Variants in RPAIN observed in about 807,000 individuals in gnomAD.
RPAIN encodes the protein RPA-interacting protein.
RPAIN carries 29 observed loss-of-function variants against 30.5 expected under a neutral mutation model. The observed-to-expected ratio is 0.95, with a 90% CI of 0.71 to 1.30. The LOEUF is 1.30. Ranked by LOEUF, RPAIN falls within the 50% of genes most tolerant of loss-of-function variation. The pLI is 0.00. For synonymous variants in RPAIN, 101 were observed against 93.5 expected (o/e 1.08, Z -0.46); for missense variants, 247 against 264.7 (o/e 0.93, Z 0.46).
At chr17:5,426,828 G>A (rs1475143118) in intron 5 of RPAIN, 1 of 151,090 alleles carries the variant, frequency 6.6e-6, no homozygotes, top group East Asian at 2.0e-4. Context: ...ATTTTTAGTA[G>A]AGATGGGTTT....
At chr17:5,422,301 A>G (rs1914943516) in intron 2 of RPAIN, among the ~76,000 whole-genome samples, 1 of 152,234 alleles carries the variant, frequency 6.6e-6, no homozygotes, top group African/African-American at 2.4e-5. Context: ...AAATGTGGGC[A>G]ACTGTTTGAA....
At chr17:5,426,875 T>C (rs1366173587) in intron 5 of RPAIN, 3 of 151,524 alleles carry the variant, frequency 2.0e-5, no homozygotes, top group African/African-American at 7.3e-5. Flanking sequence ...AACTCCTGAC[T>C]TCGTGATCCA....
chr17:5,421,182 A>G (rs1914764610), intron 1 of RPAIN, 114 bp from the exon 2 acceptor site: 2 of 1,017,098 alleles, frequency 2.0e-6, no homozygotes, highest in Non-Finnish European at 1.4e-6. Context: ...TAGTATTATC[A>G]TTGAAATTTT....
intron 6 of RPAIN, chr17:5,431,538 T>G (rs1436181896): frequency 4.5e-6 from 2 of 444,508 alleles, no homozygotes; most frequent in Non-Finnish European, 8.9e-6. Flanking sequence ...CTGTAGGTCT[T>G]GAGTTCAACA....
At chr17:5,431,982 C>T in intron 6 of RPAIN, 1 of 272,332 alleles carries the variant, frequency 3.7e-6, no homozygotes, top group Non-Finnish European at 7.1e-6. Flanking sequence ...AAAAAATTTG[C>T]AACCTCTGGC....
At chr17:5,425,819 C>T (rs1358704003) in intron 3 of RPAIN, 152 bp from the exon 4 acceptor site, 6 of 604,448 alleles carry the variant, frequency 9.9e-6, no homozygotes, top group Non-Finnish European at 1.8e-5. Context: ...AAGATGAAGC[C>T]AGCCTGAGAG....
intron 6 of RPAIN, chr17:5,430,693 C>T (rs1344431370): frequency 6.6e-6 from 1 of 152,164 alleles, no homozygotes; most frequent in Admixed American, 6.6e-5. Flanking sequence ...ATTTTTATTT[C>T]CAGTGCTTGG....
In RPAIN at chr17:5,426,286, C is replaced by G. The variant is rs1214673767; in HGVS notation, c.476C>G (p.Ser159Cys). 1 of 1,613,840 alleles carries G rather than the reference C, an allele frequency of 6.2e-7. No homozygotes were observed. The highest frequency in any genetic ancestry group is 8.5e-7 in the Non-Finnish European group (1 of 1,179,738). ...GTGGTGGTGTGTCAGTGTGGCCTGTCCATCCCATCTCATGTGAGTGTTCCA... is the reference window on the plus strand; with the variant it reads ...GTGGTGGTGTGTCAGTGTGGCCTGTGCATCCCATCTCATGTGAGTGTTCCA... ...SGVVVCQCGL[S>C]IPSHSSELTE... Residue 159 changes from serine to cysteine, a missense_variant, in exon 5 of 7, where the codon TCC becomes TGC. Coordinates refer to ENST00000381209, the MANE Select transcript of RPAIN (RefSeq NM_001033002.4).
In RPAIN at chr17:5,432,555, G is replaced by A; in HGVS notation, c.644G>A (p.Trp215Ter). 1 of 1,613,808 alleles carries A rather than the reference G, an allele frequency of 6.2e-7. No individual in the cohort carries two copies. Among genetic ancestry groups the A allele is most frequent in the Non-Finnish European group, 8.5e-7 (1 of 1,179,780 alleles). The change falls in exon 7 of 7, where the codon TGG becomes TAG. Residue 215 changes from tryptophan to a stop codon, truncating the protein, a stop_gained. Coordinates refer to ENST00000381209, the MANE Select transcript of RPAIN (RefSeq NM_001033002.4). LOFTEE classifies it high-confidence loss of function. The stretch of plus-strand genomic sequence containing the variant: ...GTTTAAACCTAGGCCTGTGATACTT[G>A]GGCTGTGATCCTCTAGAGCCAGCTT... ...LLMSCLACDT[W>*]AVIL
Position 5,428,191 on chromosome 17 carries a change from A to T in RPAIN, c.610A>T (p.Ser204Cys). ...CACTGGAGGAACAGAAGAAAAGTCC[A>T]GTCTTCTCATGAGCTGTCTGGTAAG... ...SVTGGTEEKS[S>C]LLMSCLACDT... The change falls in exon 6 of 7, where the codon AGT (serine) becomes TGT (cysteine). Residue 204 changes from serine to cysteine, a missense_variant. Coordinates refer to ENST00000381209, the MANE Select transcript of RPAIN (RefSeq NM_001033002.4). 6.2e-7 allele frequency: 1 copy of T among 1,614,256 alleles called. No individual in the cohort carries two copies. Among genetic ancestry groups the T allele is most frequent in the Non-Finnish European group, 8.5e-7 (1 of 1,180,038 alleles).
In RPAIN at chr17:5,421,420, G is replaced by A. The variant is rs1418654880; in HGVS notation, c.206G>A (p.Trp69Ter). The change falls in exon 2 of 7, where the codon TGG becomes TAG. Residue 69 changes from tryptophan (W) to a stop codon, truncating the protein, a stop_gained. Transcript: ENST00000381209. LOFTEE classifies it high-confidence loss of function. ...GTTCAAGAGGTGATGGAAGAAGAGT[G>A]GAATGCTTTGCAGTCAGTGGAGAAT... ...FLVQEVMEEE[W>*]NALQSVENCP... 1 of 1,613,920 alleles carries A rather than the reference G, an allele frequency of 6.2e-7. No homozygotes were observed. The highest frequency in any genetic ancestry group is 8.5e-7 in the Non-Finnish European group (1 of 1,179,998).
intron 3 of RPAIN, among the ~76,000 whole-genome samples, chr17:5,424,304 A>AT (rs1421613160): frequency 2.6e-5 from 4 of 151,850 alleles, no homozygotes; most frequent in Non-Finnish European, 5.9e-5. Flanking sequence ...AATTTTTTAA[A>AT]TTTTTTTGTA....
intron 3 of RPAIN, among the ~76,000 whole-genome samples, chr17:5,424,987 T>C (rs1198567958): frequency 6.6e-6 from 1 of 152,226 alleles, no homozygotes; most frequent in East Asian, 1.9e-4. Context: ...ATAAGGAACA[T>C]TCTAAAGCAG....
Position 5,428,090 on chromosome 17 carries a change from A to C in RPAIN, c.509A>C (p.Gln170Pro). Reference sequence around the variant, plus strand: ...TTGTAGTCTTCTGAGTTGACAGAGCAGAAGCTTCGTGCCTGTTTAGAGGGT... The same window carrying C: ...TTGTAGTCTTCTGAGTTGACAGAGCCGAAGCTTCGTGCCTGTTTAGAGGGT... ...IPSHSSELTE[Q>P]KLRACLEGSI... Residue 170 changes from glutamine to proline, a missense_variant, in exon 6 of 7, where the codon CAG (glutamine) becomes CCG (proline). Physicochemically the swap from Gln to Pro is moderately conservative, Grantham distance 76 (BLOSUM62 -1). Transcript: ENST00000381209. The C allele has an allele frequency of 6.2e-7, 1 of 1,614,100 alleles. No homozygotes were observed. Among genetic ancestry groups the C allele is most frequent in the Non-Finnish European group, 8.5e-7 (1 of 1,179,968 alleles).
At chr17:5,427,672 G>T in intron 5 of RPAIN, 1 of 172,968 alleles carries the variant, frequency 5.8e-6, no homozygotes, top group Non-Finnish European at 1.2e-5. Flanking sequence ...TACATAATAA[G>T]TAATTAGCAT....
At chr17:5,425,863 G>T in intron 3 of RPAIN, 108 bp from the exon 4 acceptor site, 1 of 693,874 alleles carries the variant, frequency 1.4e-6, no homozygotes, top group Non-Finnish European at 2.5e-6. Context: ...TTGTGGTCTT[G>T]CCCAAATCTT....
rs1386805954 is a variant in RPAIN at position 5,423,958 on chromosome 17, T to TA, written c.313+1134dup. Among the ~76,000 whole-genome samples the TA allele has an allele frequency of 9.3e-5, 14 of 150,912 alleles. No individual in the cohort carries two copies. In the East Asian group the frequency reaches 2.2e-3, roughly 23 times the overall value. On this transcript the variant is annotated intron_variant, in intron 3 of 6. Transcript: ENST00000381209. ...ATTTTTTTTTTTTAGCTAAAGATGA[T>TA]AAAAACAAGACAAAAAATTATTTTA...
At chr17:5,432,506 A>T (rs751890582) in intron 6 of RPAIN, 36 bp from the exon 7 acceptor site, 5 of 1,595,238 alleles carry the variant, frequency 3.1e-6, no homozygotes, top group East Asian at 2.2e-5. Flanking sequence ...TGACTAGAAT[A>T]CAATTTAAGC....
chr17:5,428,365 T>G, intron 6 of RPAIN, 154 bp downstream of exon 6: 1 of 1,514,218 alleles, frequency 6.6e-7, no homozygotes, highest in Non-Finnish European at 8.8e-7. Flanking sequence ...AGGTAACAAG[T>G]CATTTAGACT....
Sources: gnomAD v4.1 joint callset for allele counts (sites outside exome capture counted in the v4.1 genomes callset) on GRCh38, gnomAD v4.1.1 for gene constraint, MANE v1.5 for transcripts, NCBI Gene and HGNC (gene_info 2026-07-23, HGNC 2026-07-21) for gene names.